Variants in ASTN1 observed in about 807,000 individuals in gnomAD.
ASTN1 encodes astrotactin-1.
ASTN1 carries 41 observed loss-of-function variants against 140.7 expected under a neutral mutation model. The observed-to-expected ratio is 0.29, with a 90% CI of 0.23 to 0.38. The LOEUF is 0.38. ASTN1 is among the 10% of genes least tolerant of loss of function. The pLI is 1.00. For missense variants in ASTN1, 1,479 were observed against 1,678.8 expected (o/e 0.88, Z 2.08); for synonymous variants, 640 against 652.2 (o/e 0.98, Z 0.29).
intron 7 of ASTN1, among the ~76,000 whole-genome samples, chr1:177,019,705 T>C (rs1351264602): frequency 6.6e-6 from 1 of 152,172 alleles, no homozygotes; most frequent in Non-Finnish European, 1.5e-5. Flanking sequence ...GGTAGCATGT[T>C]GCTAGAATAG....
At chr1:176,928,342 G>C (rs945028453) in intron 16 of ASTN1, among the ~76,000 whole-genome samples, 2 of 152,058 alleles carry the variant, frequency 1.3e-5, no homozygotes, top group Non-Finnish European at 2.9e-5. Context: ...TCTGTTTTCT[G>C]CATTTTGATT....
chr1:176,935,949 G>A, intron 15 of ASTN1: 1 of 394,422 alleles, frequency 2.5e-6, no homozygotes, highest in Non-Finnish European at 4.8e-6. Flanking sequence ...CTCTCAATTT[G>A]TAAAAAATCT....
Position 176,861,467 on chromosome 1 carries a change from T to G in ASTN1, c.*2817A>C. 1 of 985,856 alleles carries G rather than the reference T, an allele frequency of 1.0e-6. No homozygotes were observed. Among genetic ancestry groups the G allele is most frequent in the African/African-American group, 1.7e-5 (1 of 57,356 alleles). 61.1% of individuals were successfully genotyped at this position (985,856 alleles called of 1,614,324 possible). On this transcript the variant is annotated 3_prime_UTR_variant, in exon 23 of 23. Transcript: ENST00000361833. ...TTGAAAACTCAAGGTTGAATACCGG[T>G]CCAGTACCATCACCCTTTCTAGCCA...
intron 1 of ASTN1, among the ~76,000 whole-genome samples, chr1:177,153,342 A>C (rs950637518): frequency 9.9e-5 from 15 of 152,078 alleles, no homozygotes; most frequent in African/African-American, 3.6e-4. Flanking sequence ...CCCTCACCAG[A>C]TGCAGATACC....
At chr1:177,017,781 C>G (rs1175322185) in intron 7 of ASTN1, among the ~76,000 whole-genome samples, 1 of 152,200 alleles carries the variant, frequency 6.6e-6, no homozygotes, top group Non-Finnish European at 1.5e-5. Flanking sequence ...GGTCTGGAGA[C>G]AGCTGCACTT....
chr1:177,107,907 C>G lies in ASTN1; in HGVS notation c.284-46642G>C, dbSNP rs73048906. 2.0e-3 allele frequency among the ~76,000 whole-genome samples: 301 copies of G among 152,118 alleles called. 2 individuals are homozygous for G. Among genetic ancestry groups the G allele is most frequent in the African/African-American group, 7.0e-3 (290 of 41,488 alleles). ...AAAAAGGAGAATGGAAAGCAATAACCTATTGTTGGGAGGATACTTTTTTTT... is the reference window on the plus strand; with the variant it reads ...AAAAAGGAGAATGGAAAGCAATAACGTATTGTTGGGAGGATACTTTTTTTT... On this transcript the variant is annotated intron_variant, in intron 1 of 22. Transcript: ENST00000361833.
chr1:176,897,881 C>T (rs1425693177), intron 16 of ASTN1, among the ~76,000 whole-genome samples: 1 of 152,132 alleles, frequency 6.6e-6, no homozygotes, highest in African/African-American at 2.4e-5. Context: ...TTTCTCGCAC[C>T]TTAAATCCCC....
intron 14 of ASTN1, among the ~76,000 whole-genome samples, chr1:176,936,894 G>T (rs1322199541): frequency 6.6e-6 from 1 of 152,128 alleles, no homozygotes; most frequent in East Asian, 1.9e-4. Flanking sequence ...TCATTTGTTC[G>T]CATTTTGATA....
intron 5 of ASTN1, 124 bp from the exon 6 acceptor site, chr1:177,024,856 G>C (rs915772356): frequency 1.8e-5 from 20 of 1,087,300 alleles, no homozygotes; most frequent in Non-Finnish European, 2.5e-5. Context: ...CCCATGGAGG[G>C]AACTGTCTCT....
At chr1:176,906,869 T>C in intron 16 of ASTN1, among the ~76,000 whole-genome samples, 1 of 144,530 alleles carries the variant, frequency 6.9e-6, no homozygotes, top group East Asian at 2.0e-4. Context: ...AAGAAAAAAA[T>C]ATTCTACTTT....
chr1:176,970,555 A>ATAGGTAGGTAGGTAGG (rs35499067), intron 8 of ASTN1, among the ~76,000 whole-genome samples: 1 of 150,812 alleles, frequency 6.6e-6, no homozygotes, highest in African/African-American at 2.5e-5. Context: ...AGAAATAGAG[A>ATAGGTAGGTAGGTAGG]TAGGTAGGTA....
chr1:177,094,309 C>T (rs1423022280), intron 1 of ASTN1, among the ~76,000 whole-genome samples: 1 of 152,178 alleles, frequency 6.6e-6, no homozygotes, highest in African/African-American at 2.4e-5. Flanking sequence ...CTGTGCCATC[C>T]TGACTCTTAA....
intron 14 of ASTN1, among the ~76,000 whole-genome samples, chr1:176,939,291 A>G (rs574808480): frequency 6.6e-6 from 1 of 152,164 alleles, no homozygotes; most frequent in Admixed American, 6.5e-5. Context: ...TTTTAAGTCC[A>G]GAACAACAGA....
intron 19 of ASTN1, 118 bp downstream of exon 19, chr1:176,884,221 T>C (rs1461836612): frequency 2.5e-6 from 3 of 1,177,078 alleles, no homozygotes; most frequent in Non-Finnish European, 3.6e-6. Flanking sequence ...TCCCTGCTCC[T>C]CCTGCATTGC....
intron 16 of ASTN1, among the ~76,000 whole-genome samples, chr1:176,928,217 T>C (rs55797813): frequency 0.12 from 17,890 of 152,156 alleles, 1,341 homozygotes; most frequent in Admixed American, 0.18. Flanking sequence ...AGGAATAGAC[T>C]ATCTCTGGAT....
At chr1:177,028,702 T>G (rs1452556700) in intron 5 of ASTN1, among the ~76,000 whole-genome samples, 1 of 152,206 alleles carries the variant, frequency 6.6e-6, no homozygotes, top group Non-Finnish European at 1.5e-5. Flanking sequence ...TGGGGCTGCA[T>G]GATGGAGAGT....
At chr1:177,072,783 C>A (rs1466290777) in intron 1 of ASTN1, among the ~76,000 whole-genome samples, 1 of 152,180 alleles carries the variant, frequency 6.6e-6, no homozygotes, top group African/African-American at 2.4e-5. Flanking sequence ...AGTCTATGCA[C>A]CATGTGGCAC....
At position 176,863,096 on chromosome 1, in the gene ASTN1, C is replaced by A. The variant is rs1365096980; in HGVS notation, c.*1188G>T. 3.0e-6 allele frequency: 3 copies of A among 985,720 alleles called. No homozygotes were observed. Among genetic ancestry groups the A allele is most frequent in the Non-Finnish European group, 2.4e-6 (2 of 829,952 alleles). 61.1% of individuals were successfully genotyped at this position (985,720 alleles called of 1,614,324 possible). ...CAATGCTTGGGCAGTGGGATGGAAA[C>A]AACACTCTAGATGTTAACTGCAATC... is the stretch of plus-strand genomic sequence containing the variant. On this transcript the variant is annotated 3_prime_UTR_variant, in exon 23 of 23. Coordinates refer to ENST00000361833, the MANE Select transcript of ASTN1 (RefSeq NM_004319.3).
chr1:177,004,862 A>G (rs1466652747), intron 8 of ASTN1, among the ~76,000 whole-genome samples: 1 of 152,220 alleles, frequency 6.6e-6, no homozygotes, highest in African/African-American at 2.4e-5. Context: ...AAGATCTGAA[A>G]CCATAAAAAT....
Sources: gnomAD v4.1 joint callset for allele counts (sites outside exome capture counted in the v4.1 genomes callset) on GRCh38, gnomAD v4.1.1 for gene constraint, MANE v1.5 for transcripts, NCBI Gene and HGNC (gene_info 2026-07-23, HGNC 2026-07-21) for gene names.